CCL22: variants seen among roughly 807,000 people sequenced by gnomAD.
The protein encoded by CCL22 is C-C motif chemokine 22.
In CCL22, 7 loss-of-function variants were observed where a neutral mutation model predicts 7.6. The observed-to-expected ratio is 0.92, with a 90% confidence interval of 0.52 to 1.72. The LOEUF is 1.72. Among genes scored for constraint, CCL22 ranks in the 40% most tolerant of loss-of-function variants. The pLI, the probability that CCL22 is intolerant of heterozygous loss-of-function variation, is 0.00. For missense variants in CCL22, 115 were observed against 124.7 expected (o/e 0.92, Z 0.37); for synonymous variants, 55 against 47.2 (o/e 1.17, Z -0.68).
At chr16:57,362,018 G>A (rs184315705) in intron 2 of CCL22, among the ~76,000 whole-genome samples, 57 of 152,266 alleles carry the variant, frequency 3.7e-4, no homozygotes, top group African/African-American at 7.7e-4. Flanking sequence ...AGGCTCTGCC[G>A]TAAGCACTTT....
At position 57,364,409 on chromosome 16, in the gene CCL22, T is replaced by A. The variant is rs1468522522; in HGVS notation, c.*821T>A. ...TATCAATACAGAGACTCAAGGTCAC[T>A]AGAAATGGGCCAGCTGGGTCAATGT... On this transcript the variant is annotated 3_prime_UTR_variant, in exon 3 of 3. Transcript: ENST00000219235. 6.6e-6 allele frequency: 1 copy of A among 151,384 alleles called. No individual in the cohort carries two copies. The highest frequency in any genetic ancestry group is 1.5e-5 in the Non-Finnish European group (1 of 67,986). The allele number at this position is 151,384 out of a possible 1,614,324, so 9.4% of individuals were successfully genotyped here.
chr16:57,363,419 C>T (rs1254384182), intron 2 of CCL22, 85 bp from the exon 3 acceptor site: 2 of 805,622 alleles, frequency 2.5e-6, no homozygotes, highest in African/African-American at 1.7e-5. Flanking sequence ...AAGTAGGTGG[C>T]TCATAAATGC....
intron 2 of CCL22, 43 bp from the exon 3 acceptor site, chr16:57,363,461 G>T (rs185832277): frequency 7.5e-7 from 1 of 1,328,558 alleles, no homozygotes; most frequent in Middle Eastern, 1.8e-4. Context: ...TCCTTGCTGC[G>T]TGCTAATGTT....
Position 57,365,087 on chromosome 16 carries a change from C to A in CCL22, c.*1499C>A. On this transcript the variant is annotated 3_prime_UTR_variant, in exon 3 of 3. Transcript: ENST00000219235. ...AAAGTGCTGAGATTACAGGCGTGAGCTATCACACCCAGCCTCCCCCTTTTT... is the reference window on the plus strand; with the variant it reads ...AAAGTGCTGAGATTACAGGCGTGAGATATCACACCCAGCCTCCCCCTTTTT... The A allele has an allele frequency of 6.6e-6, 1 of 152,130 alleles. No individual in the cohort carries two copies. The allele number at this position is 152,130 out of a possible 1,614,324, so 9.4% of individuals were successfully genotyped here. A position where few individuals can be genotyped will look rare whatever the true frequency, so the allele number is the denominator to read the frequency against.
intron 1 of CCL22, among the ~76,000 whole-genome samples, chr16:57,359,531 G>C (rs780764599): frequency 6.7e-6 from 1 of 150,284 alleles, no homozygotes; most frequent in Admixed American, 6.6e-5. Context: ...GGCCAGGCTG[G>C]TCTCAAACTC....
Position 57,364,798 on chromosome 16 carries a change from C to CT in CCL22, c.*1210_*1211insT, listed in dbSNP as rs1567550220. On this transcript the variant is annotated 3_prime_UTR_variant, in exon 3 of 3. Transcript: ENST00000219235. ...CTGGCCTCTTCCCTCTCCCCACCCCCCCCCCAACTTTTTTTTTTTTTTATG... is the reference window on the plus strand; with the variant it reads ...CTGGCCTCTTCCCTCTCCCCACCCCCTCCCCCAACTTTTTTTTTTTTTTATG... The CT allele has an allele frequency of 1.1e-5, 1 of 92,710 alleles. No homozygotes were observed. The highest frequency in any genetic ancestry group is 3.5e-4 in the East Asian group (1 of 2,868). 5.7% of individuals were successfully genotyped at this position (92,710 alleles called of 1,614,324 possible).
At chr16:57,360,095 C>T (rs1012214746) in intron 1 of CCL22, among the ~76,000 whole-genome samples, 1 of 152,194 alleles carries the variant, frequency 6.6e-6, no homozygotes. Flanking sequence ...TTTCTGAGTG[C>T]TTTTCATGCA....
chr16:57,362,809 C>A (rs1429280365), intron 2 of CCL22, among the ~76,000 whole-genome samples: 3 of 151,978 alleles, frequency 2.0e-5, no homozygotes, highest in Non-Finnish European at 2.9e-5. Flanking sequence ...TGCAGTGAGC[C>A]AAGATCGTAC....
At chr16:57,362,613 C>A (rs774054973) in intron 2 of CCL22, among the ~76,000 whole-genome samples, 7 of 151,784 alleles carry the variant, frequency 4.6e-5, no homozygotes, top group Non-Finnish European at 7.4e-5. Flanking sequence ...ATAATCCTAG[C>A]CTTTGGGAGG....
At chr16:57,363,422 A>G in intron 2 of CCL22, 82 bp from the exon 3 acceptor site, 1 of 860,212 alleles carries the variant, frequency 1.2e-6, no homozygotes, top group Non-Finnish European at 1.9e-6. Context: ...TAGGTGGCTC[A>G]TAAATGCTAA....
At chr16:57,362,597 A>G (rs994167741) in intron 2 of CCL22, among the ~76,000 whole-genome samples, 4 of 151,816 alleles carry the variant, frequency 2.6e-5, no homozygotes, top group African/African-American at 9.7e-5. Context: ...GCAGTGGCTC[A>G]CTCCTATAAT....
At chr16:57,363,468 T>C (rs1288657728) in intron 2 of CCL22, 36 bp from the exon 3 acceptor site, 1 of 1,414,116 alleles carries the variant, frequency 7.1e-7, no homozygotes, top group Middle Eastern at 1.8e-4. Flanking sequence ...TGCGTGCTAA[T>C]GTTGCTGCAT....
At chr16:57,359,793 C>T (rs866190910) in intron 1 of CCL22, among the ~76,000 whole-genome samples, 10 of 151,884 alleles carry the variant, frequency 6.6e-5, no homozygotes, top group African/African-American at 1.5e-4. Flanking sequence ...CCACCATGCC[C>T]GGCTAATTTT....
In CCL22 at chr16:57,360,027, G is replaced by C. The variant is rs150785932; in HGVS notation, c.74-410G>C. On this transcript the variant is annotated intron_variant, in intron 1 of 2. Transcript: ENST00000219235. ...TACTTTTGCTGTGTTGGGTGGAGGA[G>C]TGAGCACTGGAGTGGGGTCAGGCAG... 4.5e-3 allele frequency among the ~76,000 whole-genome samples: 693 copies of C among 152,318 alleles called. 10 individuals carry two copies. Among genetic ancestry groups the C allele is most frequent in the African/African-American group, 0.016 (647 of 41,570 alleles).
upstream of CCL22, among the ~76,000 whole-genome samples, chr16:57,358,598 G>C (rs1902013972): frequency 6.6e-6 from 1 of 152,234 alleles, no homozygotes; most frequent in African/African-American, 2.4e-5. Flanking sequence ...AGAGTTGAGG[G>C]GGGGTCCCCT....
rs1567549292 is a variant in CCL22 at position 57,360,493 on chromosome 16, C to T, written c.130C>T (p.Arg44Cys). 2.5e-6 allele frequency: 4 copies of T among 1,614,084 alleles called. No homozygotes were observed. Among genetic ancestry groups the T allele is most frequent in the Non-Finnish European group, 3.4e-6 (4 of 1,180,034 alleles). ...CTGCTGCCGTGATTACGTCCGTTAC[C>T]GTCTGCCCCTGCGCGTGGTGAAACA... ...SVCCRDYVRY[R>C]LPLRVVKHFY... The change falls in exon 2 of 3, where the codon CGT (arginine) becomes TGT (cysteine). Residue 44 changes from arginine (R) to cysteine (C), a missense_variant. Physicochemically the swap from Arg to Cys is radical, Grantham distance 180 (BLOSUM62 -3). Transcript: ENST00000219235.
intron 2 of CCL22, among the ~76,000 whole-genome samples, chr16:57,362,465 T>C (rs927061702): frequency 2.6e-5 from 4 of 151,872 alleles, no homozygotes; most frequent in African/African-American, 9.7e-5. Context: ...AATCAATCAA[T>C]CAATCAATCA....
rs139772883 is a variant in CCL22, at chr16:57,358,882, T to C, written c.66T>C (p.Thr22=). 8.1e-6 allele frequency: 13 copies of C among 1,612,818 alleles called. No individual in the cohort carries two copies. In the African/African-American group the frequency reaches 1.7e-4, roughly 22 times the overall value. ...LVLLAVALQA[T]EAGPYGANME... ...TCCTTGCTGTGGCGCTTCAAGCAAC[T>C]GAGGCAGGTGAGGCTGGGGAGCAGG... Residue 22 remains threonine, a synonymous_variant, in exon 1 of 3, where the codon ACT becomes ACC. Coordinates refer to ENST00000219235, the MANE Select transcript of CCL22 (RefSeq NM_002990.5).
intron 2 of CCL22, 42 bp downstream of exon 2, chr16:57,360,602 C>A: frequency 6.2e-7 from 1 of 1,612,462 alleles, no homozygotes; most frequent in Middle Eastern, 1.7e-4. Flanking sequence ...GTGGGCCTGA[C>A]GGGTACAGCC....
Sources: gnomAD v4.1 joint callset for allele counts (sites outside exome capture counted in the v4.1 genomes callset) on GRCh38, gnomAD v4.1.1 for gene constraint, MANE v1.5 for transcripts, NCBI Gene and HGNC (gene_info 2026-07-23, HGNC 2026-07-21) for gene names.